NXPE4: variants seen among roughly 807,000 people sequenced by gnomAD.
NXPE4 encodes neurexophilin and PC-esterase domain family member 4.
NXPE4 carries 42 observed loss-of-function variants against 33.3 expected under a neutral mutation model. That is an observed-to-expected ratio of 1.26 (90% confidence interval 0.98 to 1.63). The LOEUF (loss-of-function observed/expected upper bound fraction) is 1.63. Among genes scored for constraint, NXPE4 ranks in the 40% most tolerant of loss-of-function variants. The probability of loss-of-function intolerance (pLI) is 0.00; values close to 1 mark genes in which losing one functional copy is unlikely to be tolerated. For synonymous variants in NXPE4, 253 were observed against 234.9 expected (o/e 1.08, Z -0.71); for missense variants, 709 against 647.6 (o/e 1.09, Z -1.03).
chr11:114,576,992 CAT>C (rs1334569530), intron 5 of NXPE4, among the ~76,000 whole-genome samples: 37 of 88,982 alleles, frequency 4.2e-4, no homozygotes, highest in African/African-American at 8.8e-4. Context: ...TATATATATA[CAT>C]ATATATATAT....
the NXPE4 span, among the ~76,000 whole-genome samples, chr11:114,617,170 C>T: frequency 2.6e-5 from 4 of 151,452 alleles, no homozygotes; most frequent in African/African-American, 9.7e-5. Flanking sequence ...CCATTGTTAC[C>T]CAGTGGATAA....
the NXPE4 span, among the ~76,000 whole-genome samples, chr11:114,620,265 T>C: frequency 6.9e-6 from 1 of 144,572 alleles, no homozygotes; most frequent in East Asian, 2.2e-4. Context: ...CGTGGGTAAC[T>C]ACGGTTACCC....
chr11:114,594,629 G>A, intron 2 of NXPE4, 35 bp downstream of exon 2: 3 of 1,359,588 alleles, frequency 2.2e-6, no homozygotes, highest in Non-Finnish European at 3.1e-6. Context: ...GCAAAAATAA[G>A]CTTCTGTAAA....
chr11:114,650,084 C>T, the NXPE4 span, among the ~76,000 whole-genome samples: 1 of 152,086 alleles, frequency 6.6e-6, no homozygotes, highest in Non-Finnish European at 1.5e-5. Flanking sequence ...GAAAAAAAAT[C>T]CAGGTAATAT....
chr11:114,656,885 G>T, the NXPE4 span, among the ~76,000 whole-genome samples: 8 of 152,102 alleles, frequency 5.3e-5, no homozygotes, highest in Non-Finnish European at 1.2e-4. Flanking sequence ...AAGGTCAGGG[G>T]ATCGAGACCA....
chr11:114,639,189 G>C, the NXPE4 span, among the ~76,000 whole-genome samples: 1 of 151,866 alleles, frequency 6.6e-6, no homozygotes, highest in Non-Finnish European at 1.5e-5. Context: ...CCCTCCCCCA[G>C]CCTCACTGCC....
chr11:114,632,609 A>ATTTT, the NXPE4 span, among the ~76,000 whole-genome samples: 8 of 103,534 alleles, frequency 7.7e-5, no homozygotes, highest in Non-Finnish European at 1.7e-5. Context: ...ATATATTTAT[A>ATTTT]TTTTATATAT....
At chr11:114,605,797 T>C in the NXPE4 span, among the ~76,000 whole-genome samples, 2 of 151,720 alleles carry the variant, frequency 1.3e-5, no homozygotes, top group Non-Finnish European at 2.9e-5. Flanking sequence ...AAGTATTGCC[T>C]CTAGGGTTAC....
the NXPE4 span, among the ~76,000 whole-genome samples, chr11:114,625,721 C>T: frequency 0.01 from 1,571 of 152,230 alleles, 23 homozygotes; most frequent in African/African-American, 0.035. Flanking sequence ...CCAGCATGAG[C>T]GACGCAGAAG....
the NXPE4 span, among the ~76,000 whole-genome samples, chr11:114,644,121 G>A: frequency 2.6e-5 from 4 of 152,288 alleles, no homozygotes; most frequent in African/African-American, 9.6e-5. Flanking sequence ...CTGAGACTTT[G>A]CTGAAGTTGC....
At chr11:114,647,994 C>A in the NXPE4 span, among the ~76,000 whole-genome samples, 1 of 152,166 alleles carries the variant, frequency 6.6e-6, no homozygotes. Context: ...GCCACTGTTG[C>A]CGGCCGACTT....
intron 2 of NXPE4, among the ~76,000 whole-genome samples, chr11:114,590,995 C>A (rs951922691): frequency 1.8e-4 from 27 of 152,148 alleles, no homozygotes; most frequent in Non-Finnish European, 3.8e-4. Flanking sequence ...AACTGGGGAA[C>A]CTGAACATGA....
chr11:114,626,260 A>T, the NXPE4 span, among the ~76,000 whole-genome samples: 1 of 152,238 alleles, frequency 6.6e-6, no homozygotes, highest in Non-Finnish European at 1.5e-5. Flanking sequence ...TAACCTCTGC[A>T]GACTTAAATG....
chr11:114,648,506 C>T, the NXPE4 span, among the ~76,000 whole-genome samples: 13 of 152,262 alleles, frequency 8.5e-5, no homozygotes, highest in East Asian at 1.9e-3. Context: ...AGTCAGTCTA[C>T]TAATTTAAAC....
chr11:114,595,949 T>G (rs192072699), upstream of NXPE4, among the ~76,000 whole-genome samples: 365 of 152,256 alleles, frequency 2.4e-3, 5 homozygotes, highest in Non-Finnish European at 3.8e-3. Flanking sequence ...AATAAATAAC[T>G]GATGAGAAAA....
chr11:114,602,112 A>G, the NXPE4 span, among the ~76,000 whole-genome samples: 1 of 100,592 alleles, frequency 9.9e-6, no homozygotes, highest in Non-Finnish European at 1.7e-5. Flanking sequence ...TATAATATAT[A>G]TAATTATATA....
chr11:114,601,971 A>T, the NXPE4 span, among the ~76,000 whole-genome samples: 1 of 86,072 alleles, frequency 1.2e-5, no homozygotes, highest in African/African-American at 4.7e-5. Context: ...TATATTATAT[A>T]TTCTGTTATA....
chr11:114,669,785 TA>T, the NXPE4 span, among the ~76,000 whole-genome samples: 3 of 151,814 alleles, frequency 2.0e-5, no homozygotes, highest in Non-Finnish European at 4.4e-5. Context: ...ATTTCAGTCC[TA>T]AAAAAAACTC....
the NXPE4 span, among the ~76,000 whole-genome samples, chr11:114,658,879 G>A: frequency 1.3e-5 from 2 of 152,124 alleles, no homozygotes; most frequent in Admixed American, 1.3e-4. Flanking sequence ...CTCCCAGTAG[G>A]CTAGGCAGCA....
Sources: gnomAD v4.1 joint callset for allele counts (sites outside exome capture counted in the v4.1 genomes callset) on GRCh38, gnomAD v4.1.1 for gene constraint, MANE v1.5 for transcripts, NCBI Gene and HGNC (gene_info 2026-07-23, HGNC 2026-07-21) for gene names.